ZNF879: variants seen among roughly 807,000 people sequenced by gnomAD.
ZNF879 encodes zinc finger protein 879.
A neutral mutation model predicts 44.3 loss-of-function variants in ZNF879; 32 were observed. That is an observed-to-expected ratio of 0.72 (90% confidence interval 0.54 to 0.97). The LOEUF is 0.97. Among genes scored for constraint, ZNF879 ranks in the 50% least tolerant of loss-of-function variants. The probability of loss-of-function intolerance (pLI) is 0.00; values close to 1 mark genes in which losing one functional copy is unlikely to be tolerated. For synonymous variants in ZNF879, 234 were observed against 233.2 expected, an observed-to-expected ratio of 1.00 and a Z score of -0.03; for missense variants, 621 against 669.7, an observed-to-expected ratio of 0.93 and a Z score of 0.80.
In ZNF879 at chr5:179,032,648, T is replaced by C. The variant is rs1305541122; in HGVS notation, c.700T>C (p.Cys234Arg). The change falls in exon 5 of 5, where the codon TGT becomes CGT. Residue 234 changes from cysteine to arginine, a missense_variant. Physicochemically the swap from Cys to Arg is radical, Grantham distance 180. Transcript: ENST00000444149. ...RIHTGEKLYKCKECRKAFSQS... is the reference protein window; with the variant it reads ...RIHTGEKLYKRKECRKAFSQS... ...CCACACTGGAGAGAAGCTCTATAAATGTAAGGAATGTAGGAAAGCCTTCAG... is the reference window on the plus strand; with the variant it reads ...CCACACTGGAGAGAAGCTCTATAAACGTAAGGAATGTAGGAAAGCCTTCAG... 1 of 1,569,180 alleles carries C rather than the reference T, an allele frequency of 6.4e-7. No individual in the cohort carries two copies. Among genetic ancestry groups the C allele is most frequent in the Non-Finnish European group, 8.6e-7 (1 of 1,157,166 alleles).
chr5:179,032,493 G>T lies in ZNF879; in HGVS notation c.545G>T (p.Arg182Ile), dbSNP rs746528828. The change falls in exon 5 of 5, where the codon AGA (arginine) becomes ATA (isoleucine). Residue 182 changes from arginine (R) to isoleucine (I), a missense_variant. Arg to Ile is a moderately conservative substitution (Grantham distance 97). Transcript: ENST00000444149. ...CCGAGAATAGTTTCCAGAGGAAGGA[G>T]ACCCCGTTCACAGCAGTATTCAGTT... is the stretch of plus-strand genomic sequence containing the variant. ...RKPRIVSRGR[R>I]PRSQQYSVLF... 1 of 1,551,704 alleles carries T rather than the reference G, an allele frequency of 6.4e-7. No homozygotes were observed. Among genetic ancestry groups the T allele is most frequent in the South Asian group, 1.2e-5 (1 of 84,058 alleles).
In ZNF879 at chr5:179,033,662, T is replaced by C; in HGVS notation, c.*22T>C. The C allele has an allele frequency of 6.9e-7, 1 of 1,444,146 alleles. No homozygotes were observed. The highest frequency in any genetic ancestry group is 1.5e-5 in the South Asian group (1 of 68,322). The allele number at this position is 1,444,146 out of a possible 1,614,324, so 89.5% of individuals were successfully genotyped here. On this transcript the variant is annotated 3_prime_UTR_variant, in exon 5 of 5. Transcript: ENST00000444149. Reference sequence around the variant, plus strand: ...TTGAGAAAAACTGTATAAATGCATGTAGGAACTGAAGTTATATTCCATACT... The same window carrying C: ...TTGAGAAAAACTGTATAAATGCATGCAGGAACTGAAGTTATATTCCATACT...
At chr5:179,025,816 C>A (rs1761250728) in intron 2 of ZNF879, among the ~76,000 whole-genome samples, 1 of 152,126 alleles carries the variant, frequency 6.6e-6, no homozygotes, top group Admixed American at 6.5e-5. Flanking sequence ...GCTCTGGAGG[C>A]TGAGGCAGGA....
rs1450984693 is a variant in ZNF879, at chr5:179,032,434, A to G, written c.486A>G (p.Lys162=). The G allele has an allele frequency of 7.1e-6, 11 of 1,551,518 alleles. No homozygotes were observed. The highest frequency in any genetic ancestry group is 3.9e-5 in the Admixed American group (2 of 50,976). ...GCTTTAAAGGTGTTGAATTTGGGAAAAATCTTGGTCTAAAATCATCGCTTA... is the reference window on the plus strand; with the variant it reads ...GCTTTAAAGGTGTTGAATTTGGGAAGAATCTTGGTCTAAAATCATCGCTTA... The part of the protein sequence containing the change: ...ERSFKGVEFG[K]NLGLKSSLIR... The change falls in exon 5 of 5, where the codon AAA becomes AAG. Residue 162 remains lysine (K), a synonymous_variant. Coordinates refer to ENST00000444149, the MANE Select transcript of ZNF879 (RefSeq NM_001136116.3).
intron 2 of ZNF879, 101 bp downstream of exon 2, chr5:179,025,138 A>G: frequency 7.6e-7 from 1 of 1,317,318 alleles, no homozygotes; most frequent in Non-Finnish European, 1.1e-6. Context: ...AGCTCAGGGA[A>G]GGACCAGAGG....
rs1581104803 is a variant in ZNF879, at chr5:179,033,823, A to G, written c.*183A>G. 6 of 486,824 alleles carry G rather than the reference A, an allele frequency of 1.2e-5. No homozygotes were observed. The highest frequency in any genetic ancestry group is 2.1e-5 in the Non-Finnish European group (6 of 281,212). The allele number at this position is 486,824 out of a possible 1,614,324, so 30.2% of individuals were successfully genotyped here. A position where few individuals can be genotyped will look rare whatever the true frequency, so the allele number is the denominator to read the frequency against. ...CCTTGGGAATGCTAGAAAAGCTTCT[A>G]TAAAATGTTTATTCATATGTTCTTA... On this transcript the variant is annotated 3_prime_UTR_variant, in exon 5 of 5. Coordinates refer to ENST00000444149, the MANE Select transcript of ZNF879 (RefSeq NM_001136116.3).
intron 4 of ZNF879, among the ~76,000 whole-genome samples, chr5:179,028,676 C>T (rs1175158549): frequency 6.6e-6 from 1 of 152,202 alleles, no homozygotes; most frequent in Non-Finnish European, 1.5e-5. Context: ...TCCGGATACT[C>T]ATCACGCTAT....
At chr5:179,023,995 C>T (rs1761183151) in intron 1 of ZNF879, 91 bp downstream of exon 1, 1 of 152,180 alleles carries the variant, frequency 6.6e-6, no homozygotes, top group South Asian at 2.1e-4. Flanking sequence ...TCTGCCGAGT[C>T]CCCGGCTCCG....
At chr5:179,029,098 C>CTTTTTTTTTT (rs1561735057) in intron 4 of ZNF879, among the ~76,000 whole-genome samples, 2 of 142,872 alleles carry the variant, frequency 1.4e-5, no homozygotes, top group Non-Finnish European at 1.5e-5. Context: ...ATTCTGGCAT[C>CTTTTTTTTTT]TGTTTTTTTT....
Position 179,033,859 on chromosome 5 carries a change from A to G in ZNF879, c.*219A>G, listed in dbSNP as rs1581104848. On this transcript the variant is annotated 3_prime_UTR_variant, in exon 5 of 5. Transcript: ENST00000444149. ...ATTCATATGTTCTTAAGTTATTACC[A>G]TGAAATGGAGAATTTTTAAGATTGC... 7.5e-6 allele frequency: 3 copies of G among 401,960 alleles called. No individual in the cohort carries two copies. The East Asian group carries it at 1.2e-4, about 15-fold the overall frequency. 24.9% of individuals were successfully genotyped at this position (401,960 alleles called of 1,614,324 possible). A position where few individuals can be genotyped will look rare whatever the true frequency, so the allele number is the denominator to read the frequency against.
At position 179,034,749 on chromosome 5, in the gene ZNF879, A is replaced by G. The variant is rs1018714084; in HGVS notation, c.*1109A>G. The G allele has an allele frequency of 2.6e-5, 4 of 152,222 alleles. No individual in the cohort carries two copies. Among genetic ancestry groups the G allele is most frequent in the African/African-American group, 9.6e-5 (4 of 41,460 alleles). 9.4% of individuals were successfully genotyped at this position (152,222 alleles called of 1,614,324 possible). On this transcript the variant is annotated 3_prime_UTR_variant, in exon 5 of 5. Transcript: ENST00000444149. ...TCAGCATTTCTAAAATGTGAATCAT[A>G]AGATTAGCAAGCTAAAAACAGTTAT...
chr5:179,025,054 T>G lies in ZNF879; in HGVS notation c.33+17T>G. Reference sequence around the variant, plus strand: ...CATGTACAGGTGAGTGAAGGCTTCTTTTTGCTTGAACTGCCTTCAGGGTCT... The same window carrying G: ...CATGTACAGGTGAGTGAAGGCTTCTGTTTGCTTGAACTGCCTTCAGGGTCT... On this transcript the variant is annotated intron_variant, in intron 2 of 4. Coordinates refer to ENST00000444149, the MANE Select transcript of ZNF879 (RefSeq NM_001136116.3). The G allele has an allele frequency of 6.4e-7, 1 of 1,551,378 alleles. No homozygotes were observed. The highest frequency in any genetic ancestry group is 8.7e-7 in the Non-Finnish European group (1 of 1,146,788).
chr5:179,033,515 C>CA lies in ZNF879; in HGVS notation c.1568dup (p.Ser524GlufsTer18). On this transcript the variant is annotated frameshift_variant, in exon 5 of 5. Transcript: ENST00000444149. LOFTEE classifies it high-confidence loss of function. ...TAAAGTGTGTGGGAAAGCCTTCAGA[C>CA]AGAGTTCATCCCTTATGACACACAT... 1 of 1,557,114 alleles carries CA rather than the reference C, an allele frequency of 6.4e-7. No individual in the cohort carries two copies. The highest frequency in any genetic ancestry group is 1.9e-5 in the Admixed American group (1 of 51,428).
intron 4 of ZNF879, among the ~76,000 whole-genome samples, chr5:179,030,796 A>C (rs1361668352): frequency 6.6e-6 from 1 of 152,238 alleles, no homozygotes; most frequent in Admixed American, 6.5e-5. Flanking sequence ...CTTTTGAATC[A>C]ATGATTCCAT....
Position 179,034,544 on chromosome 5 carries a change from T to C in ZNF879, c.*904T>C, listed in dbSNP as rs1329980100. 6.6e-6 allele frequency: 1 copy of C among 152,244 alleles called. No homozygotes were observed. Among genetic ancestry groups the C allele is most frequent in the East Asian group, 1.9e-4 (1 of 5,204 alleles). The allele number at this position is 152,244 out of a possible 1,614,324, so 9.4% of individuals were successfully genotyped here. Reference sequence around the variant, plus strand: ...CAATGTAGAACTCAGGTCATCATCCTTGGAGGTAAAATGAACCAGATGATT... The same window carrying C: ...CAATGTAGAACTCAGGTCATCATCCCTGGAGGTAAAATGAACCAGATGATT... On this transcript the variant is annotated 3_prime_UTR_variant, in exon 5 of 5. Transcript: ENST00000444149.
intron 2 of ZNF879, among the ~76,000 whole-genome samples, chr5:179,025,338 T>A (rs1761234697): frequency 6.6e-6 from 1 of 152,006 alleles, no homozygotes. Context: ...CAGGCATGTG[T>A]GCCACCACAC....
rs186472728 is a variant in ZNF879 at position 179,030,598 on chromosome 5, T to A, written c.257-1607T>A. 1.8e-3 allele frequency among the ~76,000 whole-genome samples: 272 copies of A among 152,282 alleles called. 1 individual carries two copies. The highest frequency in any genetic ancestry group is 6.2e-3 in the African/African-American group (256 of 41,552). On this transcript the variant is annotated intron_variant, in intron 4 of 4. Coordinates refer to ENST00000444149, the MANE Select transcript of ZNF879 (RefSeq NM_001136116.3). ...CCATTTTAATTTTTTAATTAAGTGATTTTTTATATGCAGAAAATTCTGGTG... is the reference window on the plus strand; with the variant it reads ...CCATTTTAATTTTTTAATTAAGTGAATTTTTATATGCAGAAAATTCTGGTG...
intron 2 of ZNF879, 158 bp from the exon 3 acceptor site, chr5:179,027,315 C>A: frequency 9.7e-7 from 1 of 1,033,132 alleles, no homozygotes; most frequent in Non-Finnish European, 1.4e-6. Flanking sequence ...GACGGTGTTT[C>A]ACTCACCATA....
Position 179,033,372 on chromosome 5 carries a change from G to T in ZNF879, c.1424G>T (p.Arg475Leu). The T allele has an allele frequency of 6.4e-7, 1 of 1,559,320 alleles. No individual in the cohort carries two copies. The highest frequency in any genetic ancestry group is 1.2e-5 in the South Asian group (1 of 84,866). Residue 475 changes from arginine to leucine, a missense_variant, in exon 5 of 5, where the codon CGA becomes CTA. Physicochemically the swap from Arg to Leu is moderately radical, Grantham distance 102. Coordinates refer to ENST00000444149, the MANE Select transcript of ZNF879 (RefSeq NM_001136116.3). ...FSSHSGVNTH[R>L]KIHTGEKPYK... ...TCCCACTCAGGCGTTAATACTCATC[G>T]AAAAATTCATACTGGAGAAAAACCT... is the stretch of plus-strand genomic sequence containing the variant.
Sources: allele counts gnomAD v4.1 joint callset (sites outside exome capture counted in the v4.1 genomes callset), GRCh38; gene constraint gnomAD v4.1.1; transcripts MANE v1.5; gene names NCBI Gene and HGNC (gene_info 2026-07-23, HGNC 2026-07-21).